ARHGEF9: variants seen among roughly 807,000 people sequenced by gnomAD.
The protein encoded by ARHGEF9 is rho guanine nucleotide exchange factor 9.
Under a neutral mutation model 41.3 loss-of-function variants are expected in ARHGEF9, and 2 were observed. That is an observed-to-expected ratio of 0.05 (90% CI 0.02 to 0.15). The LOEUF (loss-of-function observed/expected upper bound fraction) is 0.15. Among genes scored for constraint, ARHGEF9 ranks in the 10% least tolerant of loss-of-function variants. ARHGEF9 has a pLI of 1.00. For synonymous variants in ARHGEF9, 160 were observed against 154.4 expected, an observed-to-expected ratio of 1.04 and a Z score of -0.27; for missense variants, 225 against 424.7, an observed-to-expected ratio of 0.53 and a Z score of 4.13.
At chrX:63,647,991 G>GACA (rs1320101669) in intron 8 of ARHGEF9, among the ~76,000 whole-genome samples, 1 of 111,675 alleles carries the variant, frequency 9.0e-6, no homozygotes, top group Non-Finnish European at 1.9e-5. Flanking sequence ...ACCTGAAAGT[G>GACA]ACAGGGAGAA....
chrX:63,782,019 A>G (rs782005769), intron 1 of ARHGEF9, among the ~76,000 whole-genome samples: 7 of 111,676 alleles, frequency 6.3e-5, no homozygotes, highest in Non-Finnish European at 1.3e-4. Context: ...GATCTAATAT[A>G]CCATCCAACT....
intron 8 of ARHGEF9, among the ~76,000 whole-genome samples, chrX:63,645,064 T>G (rs1294494640): frequency 1.2e-3 from 133 of 110,583 alleles, no homozygotes; most frequent in African/African-American, 4.3e-3. Context: ...AATGAGCCAC[T>G]GTACCCAGTG....
At chrX:63,656,600 C>A (rs1556336416) in intron 7 of ARHGEF9, 1 of 111,922 alleles carries the variant, frequency 8.9e-6, no homozygotes, top group Non-Finnish European at 1.9e-5. Flanking sequence ...CTATGTTCAT[C>A]ATTTCCATGG....
At chrX:63,681,704 A>G (rs1556369676) in intron 4 of ARHGEF9, among the ~76,000 whole-genome samples, 1 of 111,551 alleles carries the variant, frequency 9.0e-6, no homozygotes, top group Non-Finnish European at 1.9e-5. Flanking sequence ...AAACTCAAAG[A>G]TAGCAGAAGG....
intron 1 of ARHGEF9, among the ~76,000 whole-genome samples, chrX:63,740,935 T>C (rs2054915530): frequency 2.7e-5 from 3 of 112,208 alleles, no homozygotes; most frequent in African/African-American, 9.7e-5. Flanking sequence ...AGGATGAGGC[T>C]GGTCTCAGAC....
chrX:63,684,792 A>G (rs1238932702), intron 4 of ARHGEF9, among the ~76,000 whole-genome samples: 3 of 110,364 alleles, frequency 2.7e-5, no homozygotes, highest in Admixed American at 2.0e-4. Flanking sequence ...CTTTAAAAAG[A>G]AGGAGGGAAG....
intron 1 of ARHGEF9, among the ~76,000 whole-genome samples, chrX:63,782,715 A>G (rs1196950660): frequency 8.9e-6 from 1 of 112,683 alleles, no homozygotes. Flanking sequence ...TCAGCTAGCC[A>G]CGTTATAAAA....
intron 1 of ARHGEF9, among the ~76,000 whole-genome samples, chrX:63,762,849 C>T (rs1162900914): frequency 1.8e-5 from 2 of 111,806 alleles, no homozygotes; most frequent in Non-Finnish European, 3.8e-5. Flanking sequence ...CCCTCCTCTT[C>T]CTTCTCCTCT....
intron 1 of ARHGEF9, among the ~76,000 whole-genome samples, chrX:63,774,104 C>G (rs1171119819): frequency 9.1e-6 from 1 of 109,534 alleles, no homozygotes; most frequent in Non-Finnish European, 1.9e-5. Flanking sequence ...TACTTATCCA[C>G]TCACCCATCC....
Position 63,635,313 on chromosome X carries a change from T to C in ARHGEF9, c.*2715A>G, listed in dbSNP as rs1396346413. The stretch of plus-strand genomic sequence containing the variant: ...GGGAAAAAGAGAGAATAATTAGATG[T>C]CTGTCTTAGGACTCCCCACAGCAGG... On this transcript the variant is annotated 3_prime_UTR_variant, in exon 10 of 10. Coordinates refer to ENST00000671741, the MANE Select transcript of ARHGEF9 (RefSeq NM_001353921.2). 3.8e-6 allele frequency: 2 copies of C among 520,649 alleles called. No homozygotes were observed. Among genetic ancestry groups the C allele is most frequent in the Non-Finnish European group, 7.0e-6 (2 of 285,209 alleles). The allele number at this position is 520,649 out of a possible 1,213,427, so 42.9% of individuals were successfully genotyped here. A position where few individuals can be genotyped will look rare whatever the true frequency, so the allele number is the denominator to read the frequency against.
At chrX:63,744,292 C>T (rs1275092727) in intron 1 of ARHGEF9, among the ~76,000 whole-genome samples, 1 of 112,511 alleles carries the variant, frequency 8.9e-6, no homozygotes, top group Admixed American at 9.4e-5. Flanking sequence ...CCTTGAAAGA[C>T]CACAGTGGCT....
rs180819348 is a variant in ARHGEF9, at chrX:63,688,251, A to C, written c.582+8874T>G. ...GAAAAAAACAAAACAACAACAACAA[A>C]AAAACCTCCCATACTGTGCCCAGCA... On this transcript the variant is annotated intron_variant, in intron 4 of 9. Transcript: ENST00000671741. Among the ~76,000 whole-genome samples, 328 of 111,219 alleles carry C rather than the reference A, an allele frequency of 2.9e-3. 1 individual carries two copies. Among genetic ancestry groups the C allele is most frequent in the African/African-American group, 0.01 (318 of 30,601 alleles).
At chrX:63,703,868 C>T (rs190732191) in intron 3 of ARHGEF9, among the ~76,000 whole-genome samples, 18 of 110,959 alleles carry the variant, frequency 1.6e-4, no homozygotes, top group Admixed American at 1.5e-3. Context: ...AGGATGGGAG[C>T]CATGTAAATG....
At chrX:63,780,591 C>G (rs1465780340) in intron 1 of ARHGEF9, among the ~76,000 whole-genome samples, 1 of 112,019 alleles carries the variant, frequency 8.9e-6, no homozygotes, top group African/African-American at 3.2e-5. Flanking sequence ...AGAAATAAAA[C>G]ACTCCTTCCT....
chrX:63,639,115 C>T (rs2047466623), intron 9 of ARHGEF9, among the ~76,000 whole-genome samples: 1 of 111,834 alleles, frequency 8.9e-6, no homozygotes, highest in Admixed American at 9.5e-5. Flanking sequence ...TCCCAAATAC[C>T]TTCCTCATCT....
At chrX:63,658,216 G>A (rs2048991268) in intron 7 of ARHGEF9, among the ~76,000 whole-genome samples, 1 of 112,228 alleles carries the variant, frequency 8.9e-6, no homozygotes, top group Admixed American at 9.5e-5. Flanking sequence ...CTAGAGAGAT[G>A]TGTTACTAAA....
chrX:63,643,218 GTAC>G (rs1395518713), intron 9 of ARHGEF9, among the ~76,000 whole-genome samples: 2 of 111,940 alleles, frequency 1.8e-5, no homozygotes. Flanking sequence ...TTTTTCTTAA[GTAC>G]TTTGGCTTGT....
At chrX:63,666,214 T>A (rs2049533038) in intron 6 of ARHGEF9, among the ~76,000 whole-genome samples, 197 bp from the exon 7 acceptor site, 1 of 107,743 alleles carries the variant, frequency 9.3e-6, no homozygotes, top group Non-Finnish European at 1.9e-5. Context: ...CCCATTTTCT[T>A]ATTCACCCCA....
chrX:63,635,475 C>G lies in ARHGEF9; in HGVS notation c.*2553G>C, dbSNP rs2047273623. 3.9e-5 allele frequency: 20 copies of G among 508,075 alleles called. No individual in the cohort carries two copies. The South Asian group carries it at 5.1e-4, about 13-fold the overall frequency. The allele number at this position is 508,075 out of a possible 1,213,427, so 41.9% of individuals were successfully genotyped here. On this transcript the variant is annotated 3_prime_UTR_variant, in exon 10 of 10. Transcript: ENST00000671741. Reference sequence around the variant, plus strand: ...GGTTACCATTGCTGTCAGGACATAACAGGTTAGGATACTGAACCCAGGTAT... The same window carrying G: ...GGTTACCATTGCTGTCAGGACATAAGAGGTTAGGATACTGAACCCAGGTAT...
Sources: gnomAD v4.1 joint callset for allele counts (sites outside exome capture counted in the v4.1 genomes callset) on GRCh38, gnomAD v4.1.1 for gene constraint, MANE v1.5 for transcripts, NCBI Gene and HGNC (gene_info 2026-07-23, HGNC 2026-07-21) for gene names.